Variants in KCTD1 observed in about 807,000 individuals in gnomAD.
KCTD1 encodes BTB/POZ domain-containing protein KCTD1.
Under a neutral mutation model 66.0 loss-of-function variants are expected in KCTD1, and 24 were observed. The observed-to-expected ratio is 0.36, with a 90% CI of 0.26 to 0.51. The LOEUF is 0.51. Ranked by LOEUF, KCTD1 falls within the 20% of genes least tolerant of loss-of-function variation. KCTD1 has a pLI of 0.95. For missense variants in KCTD1, 943 were observed against 1,205.2 expected, an observed-to-expected ratio of 0.78 and a Z score of 3.22; for synonymous variants, 511 against 517.2, an observed-to-expected ratio of 0.99 and a Z score of 0.16.
At chr18:26,575,854 T>G (rs1186706298) in intron 1 of KCTD1, among the ~76,000 whole-genome samples, 2 of 152,208 alleles carry the variant, frequency 1.3e-5, no homozygotes, top group African/African-American at 4.8e-5. Context: ...TATTGGAGCT[T>G]CTGAAACAGA....
chr18:26,525,982 C>T (rs1475379750), intron 1 of KCTD1, among the ~76,000 whole-genome samples: 1 of 151,894 alleles, frequency 6.6e-6, no homozygotes, highest in Non-Finnish European at 1.5e-5. Context: ...ATCTTGTGGC[C>T]GGCTATCATT....
chr18:26,633,171 G>C (rs941019685), upstream of KCTD1, among the ~76,000 whole-genome samples: 1 of 152,140 alleles, frequency 6.6e-6, no homozygotes. Flanking sequence ...AGAAGTCTTG[G>C]ATATGAGAAT....
chr18:26,537,691 T>C (rs976291058), intron 1 of KCTD1, among the ~76,000 whole-genome samples: 3 of 152,240 alleles, frequency 2.0e-5, no homozygotes, highest in East Asian at 1.9e-4. Flanking sequence ...TAGCCAAATA[T>C]AGACCCTACT....
intron 4 of KCTD1, chr18:26,457,962 T>TA (rs1185274080): frequency 2.0e-5 from 3 of 152,278 alleles, no homozygotes; most frequent in African/African-American, 4.8e-5. Flanking sequence ...GGCCTTCCTG[T>TA]CCTGGCTCTG....
At chr18:26,569,394 GCTT>G (rs1400023248) in intron 1 of KCTD1, among the ~76,000 whole-genome samples, 2 of 152,144 alleles carry the variant, frequency 1.3e-5, no homozygotes, top group Non-Finnish European at 2.9e-5. Context: ...TTTGGGCAGA[GCTT>G]CTCTCAGTAA....
At chr18:26,650,509 G>A (rs908198343) in intron 1 of KCTD1, among the ~76,000 whole-genome samples, 23 of 152,138 alleles carry the variant, frequency 1.5e-4, no homozygotes, top group African/African-American at 5.5e-4. Flanking sequence ...ACAACTCTAG[G>A]ACTATTATTA....
intron 1 of KCTD1, among the ~76,000 whole-genome samples, chr18:26,653,826 C>G (rs1988079697): frequency 6.6e-6 from 1 of 152,206 alleles, no homozygotes; most frequent in African/African-American, 2.4e-5. Context: ...CATGAGTAAG[C>G]TATTAAAATA....
At chr18:26,629,246 G>A (rs2339191), upstream of KCTD1, 13 of 983,914 alleles carry the variant, frequency 1.3e-5, no homozygotes, top group Non-Finnish European at 1.6e-5. Context: ...AGCTGTAAAA[G>A]GAGAAAAGCG....
intron 1 of KCTD1, among the ~76,000 whole-genome samples, chr18:26,556,404 T>C (rs1211595848): frequency 6.6e-6 from 1 of 152,212 alleles, no homozygotes. Flanking sequence ...AGGGGTCACA[T>C]GGTGTCATTA....
intron 1 of KCTD1, among the ~76,000 whole-genome samples, chr18:26,614,401 A>G (rs375570987): frequency 8.5e-5 from 13 of 152,248 alleles, no homozygotes; most frequent in African/African-American, 2.7e-4. Flanking sequence ...AAAGCAAAAG[A>G]ATGGGTTGAA....
At chr18:26,545,701 G>A (rs1985177655) in intron 1 of KCTD1, 1 of 151,810 alleles carries the variant, frequency 6.6e-6, no homozygotes. Flanking sequence ...AAGACCCCTG[G>A]TTTCTGACTC....
At position 26,519,591 on chromosome 18, in the gene KCTD1, A is replaced by G. The variant is rs569572241; in HGVS notation, c.1810-18341T>C. On this transcript the variant is annotated intron_variant, in intron 1 of 4. Transcript: ENST00000580059. ...TAACCGTCAATCAACCATTTATATA[A>G]ACTAAGACTCAAAATAAATTCCATC... 7.7e-4 allele frequency among the ~76,000 whole-genome samples: 118 copies of G among 152,324 alleles called. 1 individual carries two copies. Among genetic ancestry groups the G allele is most frequent in the South Asian group, 3.1e-3 (15 of 4,824 alleles).
intron 1 of KCTD1, among the ~76,000 whole-genome samples, chr18:26,648,465 T>C (rs371131349): frequency 1.3e-5 from 2 of 152,228 alleles, no homozygotes; most frequent in African/African-American, 4.8e-5. Context: ...ATTGCAGTCC[T>C]CATTAATTTG....
chr18:26,512,234 G>C (rs1257976697), intron 1 of KCTD1, among the ~76,000 whole-genome samples: 4 of 151,966 alleles, frequency 2.6e-5, no homozygotes, highest in Non-Finnish European at 5.9e-5. Flanking sequence ...CTCCCGAGTA[G>C]CTGGGACTAC....
At chr18:26,475,282 A>G (rs1440607026) in intron 3 of KCTD1, among the ~76,000 whole-genome samples, 1 of 152,186 alleles carries the variant, frequency 6.6e-6, no homozygotes, top group Non-Finnish European at 1.5e-5. Context: ...AAATGGTTCA[A>G]ATTTCATTTT....
At chr18:26,480,724 G>T (rs1981599409) in intron 2 of KCTD1, among the ~76,000 whole-genome samples, 1 of 152,060 alleles carries the variant, frequency 6.6e-6, no homozygotes, top group South Asian at 2.1e-4. Context: ...CCAAGATCAT[G>T]TCACTGCACT....
chr18:26,465,833 C>T (rs190168498), intron 3 of KCTD1, among the ~76,000 whole-genome samples: 4 of 152,180 alleles, frequency 2.6e-5, no homozygotes, highest in Non-Finnish European at 4.4e-5. Flanking sequence ...GGGCTGGCTG[C>T]TCTTCCATCC....
intron 1 of KCTD1, among the ~76,000 whole-genome samples, chr18:26,510,034 A>G (rs545875086): frequency 6.6e-6 from 1 of 152,364 alleles, no homozygotes; most frequent in South Asian, 2.1e-4. Flanking sequence ...CTTTCCTCCG[A>G]GCACAAAAAA....
At position 26,455,652 on chromosome 18, in the gene KCTD1, G is replaced by A; in HGVS notation, c.*91C>T. On this transcript the variant is annotated 3_prime_UTR_variant, in exon 5 of 5. Transcript: ENST00000580059. ...TTATTCGATTTTACGTCCAGGACTT[G>A]GTTTGCTGTCCCAACTGCACATAAA... 2 of 1,526,570 alleles carry A rather than the reference G, an allele frequency of 1.3e-6. No individual in the cohort carries two copies. Among genetic ancestry groups the A allele is most frequent in the Non-Finnish European group, 1.8e-6 (2 of 1,110,570 alleles). 94.6% of individuals were successfully genotyped at this position (1,526,570 alleles called of 1,614,324 possible). A position where few individuals can be genotyped will look rare whatever the true frequency, so the allele number is the denominator to read the frequency against.
Sources: gnomAD v4.1 joint callset for allele counts (sites outside exome capture counted in the v4.1 genomes callset) on GRCh38, gnomAD v4.1.1 for gene constraint, MANE v1.5 for transcripts, NCBI Gene and HGNC (gene_info 2026-07-23, HGNC 2026-07-21) for gene names.